Variants in SPAG16 observed in about 807,000 individuals in gnomAD.
The protein encoded by SPAG16 is sperm associated antigen 16.
Under a neutral mutation model 80.4 loss-of-function variants are expected in SPAG16, and 86 were observed. The ratio of observed to expected loss-of-function variants is 1.07; its 90% CI spans 0.90 to 1.28. The LOEUF (loss-of-function observed/expected upper bound fraction) is 1.28, where lower values mean the gene tolerates loss of function less well. SPAG16 is among the 50% of genes most tolerant of loss of function. SPAG16 has a pLI of 0.00. For missense variants in SPAG16, 870 were observed against 765.3 expected, an observed-to-expected ratio of 1.14 and a Z score of -1.61; for synonymous variants, 294 against 265.9, an observed-to-expected ratio of 1.11 and a Z score of -1.03.
At chr2:214,340,663 A>G (rs1009616938) in intron 15 of SPAG16, among the ~76,000 whole-genome samples, 1 of 152,066 alleles carries the variant, frequency 6.6e-6, no homozygotes, top group Non-Finnish European at 1.5e-5. Context: ...GATAACACAT[A>G]TTTACTATCT....
chr2:214,005,597 A>C (rs1054614015), intron 12 of SPAG16, among the ~76,000 whole-genome samples: 1 of 152,064 alleles, frequency 6.6e-6, no homozygotes, highest in African/African-American at 2.4e-5. Context: ...CTTGCGGCAG[A>C]CTCCATGGTA....
intron 13 of SPAG16, among the ~76,000 whole-genome samples, chr2:214,049,826 C>T (rs34582059): frequency 6.9e-4 from 105 of 152,144 alleles, no homozygotes; most frequent in Non-Finnish European, 1.2e-3. Context: ...GTTATATTTA[C>T]GTCACAAATT....
chr2:213,612,182 T>C (rs967103523), intron 10 of SPAG16, among the ~76,000 whole-genome samples: 1 of 152,188 alleles, frequency 6.6e-6, no homozygotes, highest in Non-Finnish European at 1.5e-5. Context: ...ATGTCTCTTA[T>C]CTTTAGTTTA....
intron 15 of SPAG16, among the ~76,000 whole-genome samples, chr2:214,195,546 T>G (rs2125707376): frequency 6.6e-6 from 1 of 151,974 alleles, no homozygotes; most frequent in South Asian, 2.1e-4. Context: ...TAGAACAAAC[T>G]TTGCGCATAA....
At chr2:213,309,682 A>C (rs1167258711) in intron 3 of SPAG16, among the ~76,000 whole-genome samples, 1 of 152,050 alleles carries the variant, frequency 6.6e-6, no homozygotes, top group Non-Finnish European at 1.5e-5. Context: ...AGTTTTATCA[A>C]TGACATCTTC....
At chr2:213,875,108 A>ATT (rs5838401) in intron 11 of SPAG16, among the ~76,000 whole-genome samples, 1 of 145,454 alleles carries the variant, frequency 6.9e-6, no homozygotes, top group South Asian at 2.2e-4. Context: ...CATCAAACTA[A>ATT]TTTTTTTTTT....
intron 10 of SPAG16, among the ~76,000 whole-genome samples, chr2:213,552,715 A>T (rs1434566713): frequency 6.6e-6 from 1 of 152,124 alleles, no homozygotes; most frequent in Non-Finnish European, 1.5e-5. Flanking sequence ...GTCAAAGAAG[A>T]TTAACATTTG....
intron 11 of SPAG16, among the ~76,000 whole-genome samples, chr2:213,885,385 TC>T (rs1036328633): frequency 2.6e-5 from 4 of 152,164 alleles, no homozygotes; most frequent in African/African-American, 9.7e-5. Flanking sequence ...AGAGTTCACC[TC>T]CTCACCAGGT....
intron 1 of SPAG16, among the ~76,000 whole-genome samples, chr2:213,286,683 ACT>A (rs1380532757): frequency 1.3e-5 from 2 of 152,202 alleles, no homozygotes; most frequent in African/African-American, 4.8e-5. Context: ...CTTCTAATCT[ACT>A]GCATTTGGCC....
In SPAG16 at chr2:214,112,639, C is replaced by CTTTT. The variant is rs56776022; in HGVS notation, c.1593+4392_1593+4395dup. 3.2e-3 allele frequency among the ~76,000 whole-genome samples: 361 copies of CTTTT among 112,766 alleles called. 6 individuals carry two copies. The highest frequency in any genetic ancestry group is 6.1e-3 in the African/African-American group (180 of 29,750). The allele number at this position is 112,766 out of a possible 152,430, so 74.0% of individuals were successfully genotyped here. On this transcript the variant is annotated intron_variant, in intron 14 of 15. Coordinates refer to ENST00000331683, the MANE Select transcript of SPAG16 (RefSeq NM_024532.5). ...CAAGAGACTAGGATTGCAACCCCTG[C>CTTTT]TTTTTTTTTTTTTTTTTGGCTTTCC... is the stretch of plus-strand genomic sequence containing the variant.
At chr2:214,075,603 AC>A (rs2051035341) in intron 13 of SPAG16, among the ~76,000 whole-genome samples, 1 of 152,200 alleles carries the variant, frequency 6.6e-6, no homozygotes, top group Non-Finnish European at 1.5e-5. Flanking sequence ...ACAAAATAAA[AC>A]AGAAATATGC....
chr2:214,368,115 T>C (rs1257903038), intron 15 of SPAG16, among the ~76,000 whole-genome samples: 2 of 152,160 alleles, frequency 1.3e-5, no homozygotes, highest in African/African-American at 4.8e-5. Context: ...TTTAGTTACA[T>C]AAGCAAACCA....
intron 4 of SPAG16, among the ~76,000 whole-genome samples, chr2:213,314,930 A>G (rs1458604546): frequency 2.6e-5 from 4 of 151,934 alleles, no homozygotes; most frequent in African/African-American, 9.7e-5. Flanking sequence ...TGATTCAATT[A>G]TCTTAATCTT....
At chr2:214,008,275 A>C (rs930669976) in intron 12 of SPAG16, among the ~76,000 whole-genome samples, 1 of 151,926 alleles carries the variant, frequency 6.6e-6, no homozygotes, top group South Asian at 2.1e-4. Context: ...CATTATAACT[A>C]TATGTTTCTT....
At chr2:213,380,512 A>G (rs1183576376) in intron 9 of SPAG16, among the ~76,000 whole-genome samples, 1 of 152,160 alleles carries the variant, frequency 6.6e-6, no homozygotes, top group Non-Finnish European at 1.5e-5. Context: ...CCGATCACAC[A>G]TACACCACTT....
intron 9 of SPAG16, among the ~76,000 whole-genome samples, chr2:213,442,584 G>A: frequency 6.6e-6 from 1 of 152,144 alleles, no homozygotes; most frequent in East Asian, 1.9e-4. Context: ...TAGATCACTG[G>A]AACAGAATAG....
chr2:213,686,518 A>G (rs1032521047), intron 10 of SPAG16, among the ~76,000 whole-genome samples: 1 of 152,036 alleles, frequency 6.6e-6, no homozygotes. Flanking sequence ...CTATTTTAAA[A>G]CTTATTTGTA....
chr2:213,438,052 T>G (rs1159570942), intron 9 of SPAG16, among the ~76,000 whole-genome samples: 1 of 152,226 alleles, frequency 6.6e-6, no homozygotes. Flanking sequence ...GTTCAGGCAG[T>G]GTTGCTTACT....
chr2:213,447,462 C>A (rs556434512), intron 9 of SPAG16, among the ~76,000 whole-genome samples: 1 of 152,336 alleles, frequency 6.6e-6, no homozygotes, highest in African/African-American at 2.4e-5. Flanking sequence ...GATAAATCCC[C>A]TTTGAGCCCT....
Sources: allele counts gnomAD v4.1 joint callset (sites outside exome capture counted in the v4.1 genomes callset), GRCh38; gene constraint gnomAD v4.1.1; transcripts MANE v1.5; gene names NCBI Gene and HGNC (gene_info 2026-07-23, HGNC 2026-07-21).